The following NAALADL2 variants were observed in gnomAD, a reference collection of about 807,000 sequenced individuals.
NAALADL2 encodes N-acetylated alpha-linked acidic dipeptidase like 2, also known as inactive N-acetylated-alpha-linked acidic dipeptidase-like protein 2.
A neutral mutation model predicts 87.2 loss-of-function variants in NAALADL2; 76 were observed. That is an observed-to-expected ratio of 0.87 (90% confidence interval 0.72 to 1.05). NAALADL2 has a LOEUF of 1.05. NAALADL2 is among the 50% of genes least tolerant of loss of function. The pLI is 0.00. For synonymous variants in NAALADL2, 354 were observed against 331.0 expected (o/e 1.07, Z -0.75); for missense variants, 1,089 against 945.8 (o/e 1.15, Z -1.99).
At chr3:175,565,281 C>T (rs1341201313) in intron 9 of NAALADL2, among the ~76,000 whole-genome samples, 1 of 152,168 alleles carries the variant, frequency 6.6e-6, no homozygotes, top group Non-Finnish European at 1.5e-5. Context: ...CATAGAATTG[C>T]ATTATCATCT....
chr3:175,010,135 A>G (rs568493058), intron 1 of NAALADL2, among the ~76,000 whole-genome samples: 1 of 152,214 alleles, frequency 6.6e-6, no homozygotes, highest in Non-Finnish European at 1.5e-5. Flanking sequence ...ATAATCTAAT[A>G]TTATATAACA....
chr3:175,397,267 TG>T (rs1297749652), intron 5 of NAALADL2: 1 of 152,152 alleles, frequency 6.6e-6, no homozygotes, highest in Non-Finnish European at 1.5e-5. Flanking sequence ...TTCACAAATT[TG>T]CATGTCATCC....
chr3:174,637,225 C>T (rs922587710), intron 2 of NAALADL2, among the ~76,000 whole-genome samples: 2 of 151,884 alleles, frequency 1.3e-5, no homozygotes, highest in East Asian at 1.9e-4. Flanking sequence ...TAGAAGCATA[C>T]AGTTAGATAG....
At chr3:174,780,417 G>A (rs1227436276) in intron 3 of NAALADL2, among the ~76,000 whole-genome samples, 3 of 152,154 alleles carry the variant, frequency 2.0e-5, no homozygotes, top group Non-Finnish European at 4.4e-5. Flanking sequence ...ACACAATCAT[G>A]TCATCTGCAA....
chr3:175,640,953 A>G (rs1435182765), intron 11 of NAALADL2, among the ~76,000 whole-genome samples: 3 of 152,242 alleles, frequency 2.0e-5, no homozygotes, highest in Non-Finnish European at 4.4e-5. Context: ...TGTCTATTTC[A>G]CTAGGCAACT....
intron 1 of NAALADL2, among the ~76,000 whole-genome samples, chr3:174,509,678 G>C (rs1343494777): frequency 1.4e-5 from 2 of 144,220 alleles, no homozygotes; most frequent in Non-Finnish European, 3.0e-5. Flanking sequence ...CGCCCACCTC[G>C]GGCTCCCAAA....
intron 7 of NAALADL2, among the ~76,000 whole-genome samples, chr3:175,464,532 A>G (rs1723683192): frequency 6.6e-6 from 1 of 152,200 alleles, no homozygotes; most frequent in African/African-American, 2.4e-5. Flanking sequence ...TTACTGTCTA[A>G]TGTGCCTGTT....
At chr3:175,565,294 T>G (rs1435816896) in intron 9 of NAALADL2, among the ~76,000 whole-genome samples, 1 of 152,218 alleles carries the variant, frequency 6.6e-6, no homozygotes, top group African/African-American at 2.4e-5. Context: ...TATCATCTAA[T>G]ATGATGTCCA....
chr3:175,417,904 C>A (rs1183602349), intron 5 of NAALADL2, among the ~76,000 whole-genome samples: 1 of 152,032 alleles, frequency 6.6e-6, no homozygotes, highest in Non-Finnish European at 1.5e-5. Flanking sequence ...GGCTCCTGAG[C>A]CTTTTTATGA....
chr3:174,767,977 G>A (rs757955208), intron 3 of NAALADL2, among the ~76,000 whole-genome samples: 12 of 152,176 alleles, frequency 7.9e-5, no homozygotes, highest in East Asian at 1.9e-4. Flanking sequence ...ACAGAAATAC[G>A]TAAGTGAAGA....
intron 5 of NAALADL2, among the ~76,000 whole-genome samples, chr3:175,410,612 G>T (rs183912323): frequency 2.1e-3 from 319 of 152,086 alleles, no homozygotes; most frequent in African/African-American, 7.5e-3. Context: ...AAAAAAAATG[G>T]CCACTTAAAT....
At chr3:175,687,128 G>A (rs193160549) in intron 11 of NAALADL2, among the ~76,000 whole-genome samples, 2 of 152,064 alleles carry the variant, frequency 1.3e-5, no homozygotes, top group Admixed American at 1.3e-4. Flanking sequence ...ATTCCTAAAT[G>A]GTGTCTTAAA....
intron 3 of NAALADL2, among the ~76,000 whole-genome samples, chr3:174,754,515 C>G (rs1468983187): frequency 6.8e-6 from 1 of 147,958 alleles, no homozygotes; most frequent in Non-Finnish European, 1.5e-5. Flanking sequence ...CTCTCTTGCC[C>G]AGGCTGGCCA....
intron 1 of NAALADL2, among the ~76,000 whole-genome samples, chr3:174,877,021 T>C (rs531280330): frequency 1.2e-4 from 19 of 152,118 alleles, no homozygotes; most frequent in Non-Finnish European, 2.6e-4. Context: ...TCTTCTTTTT[T>C]ATAAAACATG....
chr3:175,144,591 A>G (rs1052419162), intron 2 of NAALADL2, among the ~76,000 whole-genome samples: 5 of 152,052 alleles, frequency 3.3e-5, no homozygotes, highest in Admixed American at 6.6e-5. Context: ...AATATTTCCT[A>G]TGTTTATTCT....
chr3:174,491,386 T>C (rs1268499667), intron 1 of NAALADL2, among the ~76,000 whole-genome samples: 1 of 152,186 alleles, frequency 6.6e-6, no homozygotes, highest in Non-Finnish European at 1.5e-5. Context: ...TTCCACTTAC[T>C]CTCAAGCTGT....
At chr3:175,190,547 A>G (rs1453563556) in intron 2 of NAALADL2, among the ~76,000 whole-genome samples, 1 of 152,180 alleles carries the variant, frequency 6.6e-6, no homozygotes, top group South Asian at 2.1e-4. Flanking sequence ...GAGATAATAA[A>G]TGTTGGCAAG....
At chr3:174,812,898 T>C (rs773905138) in intron 3 of NAALADL2, among the ~76,000 whole-genome samples, 4 of 152,128 alleles carry the variant, frequency 2.6e-5, no homozygotes, top group Non-Finnish European at 5.9e-5. Context: ...TGTTTTAAGC[T>C]AAGTATTTTT....
At chr3:175,110,310 T>A (rs559915596) in intron 2 of NAALADL2, among the ~76,000 whole-genome samples, 7 of 151,882 alleles carry the variant, frequency 4.6e-5, no homozygotes, top group Non-Finnish European at 8.8e-5. Context: ...TATGATATGA[T>A]GACCAGTGGT....
Sources: gnomAD v4.1 joint callset for allele counts (sites outside exome capture counted in the v4.1 genomes callset) on GRCh38, gnomAD v4.1.1 for gene constraint, MANE v1.5 for transcripts, NCBI Gene and HGNC (gene_info 2026-07-23, HGNC 2026-07-21) for gene names.